The following SLC27A6 variants were observed in gnomAD, a reference collection of about 807,000 sequenced individuals.
The protein encoded by SLC27A6 is solute carrier family 27 member 6, also known as long-chain fatty acid transport protein 6.
SLC27A6 carries 74 observed loss-of-function variants against 63.9 expected under a neutral mutation model. The observed-to-expected ratio is 1.16, with a 90% CI of 0.96 to 1.40. The LOEUF (loss-of-function observed/expected upper bound fraction) is 1.40, where lower values mean the gene tolerates loss of function less well. Ranked by LOEUF, SLC27A6 falls within the 40% of genes most tolerant of loss-of-function variation. SLC27A6 has a pLI of 0.00. For synonymous variants in SLC27A6, 287 were observed against 260.8 expected (o/e 1.10, Z -0.97); for missense variants, 794 against 732.9 (o/e 1.08, Z -0.96).
rs370892487 is a variant in SLC27A6 at position 129,015,900 on chromosome 5, G to A, written c.985G>A (p.Asp329Asn). ...CTTCTAACAGAGAGAAGGAGAAAAG[G>A]ATCATAAGGTGCGTTTGGCAATTGG... ...CKQSKREGEK[D>N]HKVRLAIGNG... The change falls in exon 5 of 10, where the codon GAT becomes AAT. Residue 329 changes from aspartate to asparagine, a missense_variant. Asp to Asn is a conservative substitution (Grantham distance 23). Coordinates refer to ENST00000262462, the MANE Select transcript of SLC27A6 (RefSeq NM_001017372.3). 5.0e-6 allele frequency: 8 copies of A among 1,592,176 alleles called. No individual in the cohort carries two copies. In the Admixed American group the frequency reaches 1.5e-4, roughly 29 times the overall value.
rs768810616 is a variant in SLC27A6, at chr5:128,966,377, C to T, written c.240C>T (p.Tyr80=). Residue 80 remains tyrosine, a synonymous_variant, in exon 1 of 10, where the codon TAC becomes TAT. Transcript: ENST00000262462. ...KPFIIYEGDI[Y]TYQDVDKRSS... ...TCATCATCTATGAGGGAGACATCTA[C>T]ACCTATCAGGATGTAGACAAAAGGA... 6.2e-7 allele frequency: 1 copy of T among 1,613,778 alleles called. No individual in the cohort carries two copies. Among genetic ancestry groups the T allele is most frequent in the African/African-American group, 1.3e-5 (1 of 75,034 alleles).
At chr5:128,985,025 A>G in intron 1 of SLC27A6, 108 bp from the exon 2 acceptor site, 1 of 722,720 alleles carries the variant, frequency 1.4e-6, no homozygotes. Flanking sequence ...GAAGGAAATC[A>G]GCATTTTATT....
intron 1 of SLC27A6, among the ~76,000 whole-genome samples, chr5:128,971,345 A>G (rs36192190): frequency 0.24 from 36,506 of 151,664 alleles, 4,933 homozygotes; most frequent in Middle Eastern, 0.33. Flanking sequence ...TCTGTCTAAT[A>G]TTGACAGTGG....
chr5:129,033,506 CTAAG>C lies in SLC27A6; in HGVS notation c.*227_*230del, dbSNP rs1345749304. The C allele has an allele frequency of 2.5e-5, 6 of 236,452 alleles. No individual in the cohort carries two copies. Among genetic ancestry groups the C allele is most frequent in the Non-Finnish European group, 4.0e-5 (5 of 124,224 alleles). The allele number at this position is 236,452 out of a possible 1,614,324, so 14.6% of individuals were successfully genotyped here. A position where few individuals can be genotyped will look rare whatever the true frequency, so the allele number is the denominator to read the frequency against. On this transcript the variant is annotated 3_prime_UTR_variant, in exon 10 of 10. Coordinates refer to ENST00000262462, the MANE Select transcript of SLC27A6 (RefSeq NM_001017372.3). The stretch of plus-strand genomic sequence containing the variant: ...ATCTATTTGGAGATTCAGTGCATAA[CTAAG>C]TATTTTCCTTAATACTAAAGATTTT...
At chr5:128,989,485 C>T (rs1243777850) in intron 3 of SLC27A6, among the ~76,000 whole-genome samples, 1 of 152,144 alleles carries the variant, frequency 6.6e-6, no homozygotes, top group Non-Finnish European at 1.5e-5. Context: ...TGATCAATAT[C>T]CACCATAAAT....
At chr5:129,014,556 G>A (rs1354149667) in intron 4 of SLC27A6, among the ~76,000 whole-genome samples, 1 of 152,132 alleles carries the variant, frequency 6.6e-6, no homozygotes, top group Non-Finnish European at 1.5e-5. Flanking sequence ...TTGGTATGAC[G>A]TGAAGGACTC....
At chr5:128,972,587 C>T (rs1193672255) in intron 1 of SLC27A6, among the ~76,000 whole-genome samples, 1 of 152,192 alleles carries the variant, frequency 6.6e-6, no homozygotes, top group African/African-American at 2.4e-5. Flanking sequence ...ATGCATCATG[C>T]AGTTCTCGTG....
At chr5:129,026,339 A>G (rs1342906835) in intron 6 of SLC27A6, among the ~76,000 whole-genome samples, 1 of 152,126 alleles carries the variant, frequency 6.6e-6, no homozygotes, top group Non-Finnish European at 1.5e-5. Flanking sequence ...GATTGCTGAG[A>G]AAAACCTTAA....
At chr5:129,029,734 CAAATATAAGACAGTAA>C in intron 9 of SLC27A6, 27 bp downstream of exon 9, 2 of 1,576,418 alleles carry the variant, frequency 1.3e-6, no homozygotes, top group African/African-American at 2.7e-5. Flanking sequence ...AGTTTACTAT[CAAATATAAGACAGTAA>C]ACAAGGAAGT....
rs1752144792 is a variant in SLC27A6 at position 129,023,631 on chromosome 5, T to G, written c.1176T>G (p.Thr392=). Residue 392 remains threonine (T), a synonymous_variant, in exon 6 of 10, where the codon ACT becomes ACG. Transcript: ENST00000262462. ...TTTTTTTTTTGCAGCTTCTTTCCAC[T>G]TTTGACTTAATAAAGTATGACTTTC... ...RTNLFYKLLS[T]FDLIKYDFQK... is the part of the protein sequence containing the mutation. 6 of 1,604,154 alleles carry G rather than the reference T, an allele frequency of 3.7e-6. No individual in the cohort carries two copies. In the East Asian group the frequency reaches 1.3e-4, roughly 36 times the overall value.
chr5:129,005,546 A>G (rs1751490923), intron 4 of SLC27A6, among the ~76,000 whole-genome samples: 1 of 150,458 alleles, frequency 6.6e-6, no homozygotes, highest in South Asian at 2.1e-4. Context: ...TCTGACAACT[A>G]TTTAATTCCA....
Position 129,027,200 on chromosome 5 carries a change from T to C in SLC27A6, c.1323T>C (p.Tyr441=), listed in dbSNP as rs2150155597. 3 of 1,613,568 alleles carry C rather than the reference T, an allele frequency of 1.9e-6. No homozygotes were observed. The highest frequency in any genetic ancestry group is 2.5e-6 in the Non-Finnish European group (3 of 1,179,606). ...CCTTCTTTGGCTATGCTGGGCCTTA[T>C]AAGCACACAAAAGACAAATTGCTTT... ...KNPFFGYAGP[Y]KHTKDKLLCD... Residue 441 remains tyrosine, a synonymous_variant, in exon 7 of 10, where the codon TAT becomes TAC. Coordinates refer to ENST00000262462, the MANE Select transcript of SLC27A6 (RefSeq NM_001017372.3).
At chr5:128,979,716 TATA>T (rs1401975032) in intron 1 of SLC27A6, among the ~76,000 whole-genome samples, 4 of 152,304 alleles carry the variant, frequency 2.6e-5, no homozygotes, top group African/African-American at 9.6e-5. Flanking sequence ...GTTATAATAA[TATA>T]ATGTATAAAT....
chr5:128,972,825 T>C (rs11740215), intron 1 of SLC27A6, among the ~76,000 whole-genome samples: 36,630 of 152,120 alleles, frequency 0.24, 4,951 homozygotes, highest in Middle Eastern at 0.33. Flanking sequence ...CAAGTAGCTG[T>C]GATCCTTTGA....
intron 1 of SLC27A6, among the ~76,000 whole-genome samples, chr5:128,972,657 A>T (rs1185074626): frequency 6.6e-6 from 1 of 152,180 alleles, no homozygotes; most frequent in Non-Finnish European, 1.5e-5. Context: ...TATTCTAATT[A>T]GCCATTCATC....
intron 4 of SLC27A6, among the ~76,000 whole-genome samples, chr5:128,999,919 G>T (rs10071325): frequency 9.8e-4 from 149 of 152,164 alleles, no homozygotes; most frequent in African/African-American, 3.4e-3. Flanking sequence ...ACCCTTCTGA[G>T]GAGAGAAGCA....
intron 9 of SLC27A6, among the ~76,000 whole-genome samples, chr5:129,030,842 A>AT (rs1752394985): frequency 6.6e-6 from 1 of 151,926 alleles, no homozygotes; most frequent in East Asian, 1.9e-4. Flanking sequence ...GTGTGCGTAT[A>AT]TTTTCTATAC....
Position 129,019,572 on chromosome 5 carries a change from A to G in SLC27A6, c.1164+3493A>G, listed in dbSNP as rs565279030. Among the ~76,000 whole-genome samples the G allele has an allele frequency of 2.0e-5, 3 of 152,178 alleles. No individual in the cohort carries two copies. The South Asian group carries it at 6.2e-4, about 32-fold the overall frequency. ...CTCACAGGCTTGAAAACTTGCAATAATATTCTCTTTAAAAATAAGAGCCCA... is the reference window on the plus strand; with the variant it reads ...CTCACAGGCTTGAAAACTTGCAATAGTATTCTCTTTAAAAATAAGAGCCCA... On this transcript the variant is annotated intron_variant, in intron 5 of 9. Transcript: ENST00000262462.
chr5:128,974,988 A>C (rs1160117583), intron 1 of SLC27A6, among the ~76,000 whole-genome samples: 1 of 152,170 alleles, frequency 6.6e-6, no homozygotes, highest in Non-Finnish European at 1.5e-5. Context: ...TTGCAGCTAC[A>C]ACCTTATTTG....
Sources: gnomAD v4.1 joint callset for allele counts (sites outside exome capture counted in the v4.1 genomes callset) on GRCh38, gnomAD v4.1.1 for gene constraint, MANE v1.5 for transcripts, NCBI Gene and HGNC (gene_info 2026-07-23, HGNC 2026-07-21) for gene names.